Variants in SEMA6D observed in about 807,000 individuals in gnomAD.
The protein encoded by SEMA6D is semaphorin 6D.
Under a neutral mutation model 106.6 loss-of-function variants are expected in SEMA6D, and 35 were observed. That is an observed-to-expected ratio of 0.33 (90% CI 0.25 to 0.44). The LOEUF (loss-of-function observed/expected upper bound fraction) is 0.44. Ranked by LOEUF, SEMA6D falls within the 20% of genes least tolerant of loss-of-function variation. The probability of loss-of-function intolerance (pLI) is 1.00; values close to 1 mark genes in which losing one functional copy is unlikely to be tolerated. For synonymous variants in SEMA6D, 499 were observed against 487.7 expected (o/e 1.02, Z -0.31); for missense variants, 1,185 against 1,345.9 (o/e 0.88, Z 1.87).
intron 4 of SEMA6D, among the ~76,000 whole-genome samples, chr15:47,709,268 C>T (rs1224661): frequency 0.91 from 138,452 of 152,084 alleles, 63,599 homozygotes; most frequent in Non-Finnish European, 0.95. Context: ...ATTACCTCCC[C>T]CATCTGGCTC....
rs2038211366 is a variant in SEMA6D at position 47,349,217 on chromosome 15, T to G, written c.-238-63176T>G. Among the ~76,000 whole-genome samples the G allele has an allele frequency of 2.6e-5, 4 of 151,996 alleles. No individual in the cohort carries two copies. In the South Asian group the frequency reaches 8.3e-4, roughly 31 times the overall value. On this transcript the variant is annotated intron_variant, in intron 1 of 19. Coordinates refer to the SEMA6D transcript ENST00000558014. ...AGGGAATCATGTTCATTAGGAGCAATACAGCCAGGAATATTGATAACAGCT... is the reference window on the plus strand; with the variant it reads ...AGGGAATCATGTTCATTAGGAGCAAGACAGCCAGGAATATTGATAACAGCT...
chr15:47,217,689 A>T (rs1459862047), intron 1 of SEMA6D, among the ~76,000 whole-genome samples: 6 of 151,758 alleles, frequency 4.0e-5, no homozygotes, highest in African/African-American at 1.5e-4. Flanking sequence ...CTTTCATTTT[A>T]CACCTTCCTA....
intron 2 of SEMA6D, among the ~76,000 whole-genome samples, chr15:47,444,298 A>T (rs775748446): frequency 5.3e-5 from 8 of 152,202 alleles, no homozygotes; most frequent in Non-Finnish European, 1.2e-4. Flanking sequence ...ATATTCACAA[A>T]GGAGAAAGTT....
intron 4 of SEMA6D, among the ~76,000 whole-genome samples, chr15:47,703,479 A>G (rs1316435422): frequency 6.6e-6 from 1 of 152,152 alleles, no homozygotes; most frequent in Non-Finnish European, 1.5e-5. Context: ...TTTGTGCAAT[A>G]TGCAAACTTT....
chr15:47,674,747 G>T (rs544678381), intron 4 of SEMA6D, among the ~76,000 whole-genome samples: 85 of 152,320 alleles, frequency 5.6e-4, no homozygotes, highest in African/African-American at 2.0e-3. Context: ...CGCTTTTGTA[G>T]TCTCAGAAAG....
At chr15:47,724,273 T>A (rs995203010) in intron 1 of SEMA6D, among the ~76,000 whole-genome samples, 1 of 152,260 alleles carries the variant, frequency 6.6e-6, no homozygotes, top group East Asian at 1.9e-4. Flanking sequence ...TTCATTCAGC[T>A]AACTTTTACC....
chr15:47,464,194 T>G (rs1233971182), intron 2 of SEMA6D, among the ~76,000 whole-genome samples: 1 of 152,158 alleles, frequency 6.6e-6, no homozygotes, highest in African/African-American at 2.4e-5. Flanking sequence ...AACTTTTTTT[T>G]AGCTACAATC....
intron 1 of SEMA6D, among the ~76,000 whole-genome samples, chr15:47,284,176 A>T (rs765386379): frequency 6.6e-6 from 1 of 152,228 alleles, no homozygotes; most frequent in African/African-American, 2.4e-5. Flanking sequence ...GCATATCTCA[A>T]ATAGATCACA....
chr15:47,360,505 C>T (rs2038763253), intron 1 of SEMA6D, among the ~76,000 whole-genome samples: 1 of 152,190 alleles, frequency 6.6e-6, no homozygotes, highest in African/African-American at 2.4e-5. Context: ...TGATTAATGG[C>T]TATCATACTG....
intron 1 of SEMA6D, among the ~76,000 whole-genome samples, chr15:47,300,302 C>T (rs2035970545): frequency 6.6e-6 from 1 of 152,058 alleles, no homozygotes; most frequent in African/African-American, 2.4e-5. Context: ...TGAACCTGGG[C>T]CACTTGAAAA....
intron 2 of SEMA6D, among the ~76,000 whole-genome samples, chr15:47,463,475 C>T (rs905710268): frequency 2.0e-5 from 3 of 152,142 alleles, no homozygotes; most frequent in African/African-American, 7.2e-5. Context: ...AAAATAGGCT[C>T]AAACGCCAAA....
chr15:47,553,736 G>T (rs1221113011), intron 3 of SEMA6D, among the ~76,000 whole-genome samples: 1 of 151,534 alleles, frequency 6.6e-6, no homozygotes, highest in Non-Finnish European at 1.5e-5. Context: ...AGTGTTGTTT[G>T]ATAAGAAGGC....
chr15:47,542,685 C>T lies in SEMA6D; in HGVS notation c.-86-58180C>T, dbSNP rs1259527273. Among the ~76,000 whole-genome samples the T allele has an allele frequency of 2.3e-3, 350 of 152,152 alleles. 1 individual carries two copies. Among genetic ancestry groups the T allele is most frequent in the African/African-American group, 8.3e-3 (344 of 41,532 alleles). Reference sequence around the variant, plus strand: ...CTGAGATGTGCATTTTCTTTTTAGTCAATAACTTGTTTCCGCTAGTTACAG... The same window carrying T: ...CTGAGATGTGCATTTTCTTTTTAGTTAATAACTTGTTTCCGCTAGTTACAG... On this transcript the variant is annotated intron_variant, in intron 3 of 19. Coordinates refer to the SEMA6D transcript ENST00000558014.
Position 47,197,592 on chromosome 15 carries a change from T to C in SEMA6D, c.-239+13174T>C, listed in dbSNP as rs143528113. Among the ~76,000 whole-genome samples, 917 of 151,938 alleles carry C rather than the reference T, an allele frequency of 6.0e-3. 12 individuals carry two copies. Among genetic ancestry groups the C allele is most frequent in the African/African-American group, 0.021 (872 of 41,424 alleles). On this transcript the variant is annotated intron_variant, in intron 1 of 19. Transcript: ENST00000558014. ...ATTAATTGAAATAAATCCACAATAGTTCATTCATAGCCTCTAATTTAACTA... is the reference window on the plus strand; with the variant it reads ...ATTAATTGAAATAAATCCACAATAGCTCATTCATAGCCTCTAATTTAACTA...
chr15:47,758,022 C>T (rs1367710369), intron 1 of SEMA6D, among the ~76,000 whole-genome samples: 1 of 152,220 alleles, frequency 6.6e-6, no homozygotes, highest in Non-Finnish European at 1.5e-5. Flanking sequence ...CCAAGTCATA[C>T]TGACTCCAAA....
At chr15:47,314,723 A>G (rs1196750699) in intron 1 of SEMA6D, among the ~76,000 whole-genome samples, 2 of 151,820 alleles carry the variant, frequency 1.3e-5, no homozygotes, top group South Asian at 2.1e-4. Flanking sequence ...GTCTCTGGAC[A>G]TGGACTTTCA....
At chr15:47,661,579 C>T (rs1318486103) in intron 4 of SEMA6D, among the ~76,000 whole-genome samples, 3 of 152,126 alleles carry the variant, frequency 2.0e-5, no homozygotes, top group Non-Finnish European at 4.4e-5. Context: ...AAGCTCATTC[C>T]AGGAAGTGAA....
intron 1 of SEMA6D, among the ~76,000 whole-genome samples, chr15:47,192,236 C>A (rs995064211): frequency 1.3e-5 from 2 of 152,158 alleles, no homozygotes; most frequent in African/African-American, 4.8e-5. Context: ...TGGAGAACAT[C>A]AGAAAGGAAC....
intron 1 of SEMA6D, chr15:47,359,572 C>G (rs923986273): frequency 4.6e-5 from 7 of 151,998 alleles, no homozygotes; most frequent in African/African-American, 1.7e-4. Flanking sequence ...AATTAGAAGA[C>G]ATAGTTATGA....
Sources: allele counts gnomAD v4.1 joint callset (sites outside exome capture counted in the v4.1 genomes callset), GRCh38; gene constraint gnomAD v4.1.1; transcripts MANE v1.5; gene names NCBI Gene and HGNC (gene_info 2026-07-23, HGNC 2026-07-21).